The following TRIM71 variants were observed in gnomAD, a reference collection of about 807,000 sequenced individuals.
TRIM71 encodes the protein E3 ubiquitin-protein ligase TRIM71.
In TRIM71, 9 loss-of-function variants were observed where a neutral mutation model predicts 61.2. The ratio of observed to expected loss-of-function variants is 0.15; its 90% CI spans 0.09 to 0.26. The LOEUF is 0.26. Among genes scored for constraint, TRIM71 ranks in the 10% least tolerant of loss-of-function variants. The pLI, the probability that TRIM71 is intolerant of heterozygous loss-of-function variation, is 1.00. For missense variants in TRIM71, 998 were observed against 1,238.7 expected (o/e 0.81, Z 2.92); for synonymous variants, 645 against 553.2 (o/e 1.17, Z -2.33).
chr3:32,861,439 A>G (rs1696667175), intron 1 of TRIM71, among the ~76,000 whole-genome samples: 1 of 151,284 alleles, frequency 6.6e-6, no homozygotes, highest in African/African-American at 2.4e-5. Flanking sequence ...GCCAATAAAT[A>G]AATAAATTGT....
rs1327238554 is a variant in TRIM71 at position 32,818,843 on chromosome 3, G to T, written c.763G>T (p.Gly255Trp). 1 of 1,611,978 alleles carries T rather than the reference G, an allele frequency of 6.2e-7. No individual in the cohort carries two copies. Among genetic ancestry groups the T allele is most frequent in the Non-Finnish European group, 8.5e-7 (1 of 1,179,574 alleles). ...TGCCGCAGCAGCGGCGCAGCAGCTC[G>T]GGCTCGGGCCGCCCTTTCCCGGCCC... ...PGAAAAAQQLGLGPPFPGPPF... is the reference protein window; with the variant it reads ...PGAAAAAQQLWLGPPFPGPPF... Residue 255 changes from glycine (G) to tryptophan (W), a missense_variant, in exon 1 of 4, where the codon GGG (glycine) becomes TGG (tryptophan). Gly to Trp is a radical substitution (Grantham distance 184). Coordinates refer to ENST00000383763, the MANE Select transcript of TRIM71 (RefSeq NM_001039111.3).
chr3:32,824,357 CT>C (rs1229852096), intron 1 of TRIM71, among the ~76,000 whole-genome samples: 410 of 141,432 alleles, frequency 2.9e-3, no homozygotes, highest in Middle Eastern at 7.4e-3. Flanking sequence ...TTTTTTCTTT[CT>C]TTTTTTTTTT....
Position 32,896,876 on chromosome 3 carries a change from C to T in TRIM71, c.*5065C>T, listed in dbSNP as rs193042369. 97 of 152,318 alleles carry T rather than the reference C, an allele frequency of 6.4e-4. No homozygotes were observed. The highest frequency in any genetic ancestry group is 2.3e-3 in the African/African-American group (96 of 41,560). 9.4% of individuals were successfully genotyped at this position (152,318 alleles called of 1,614,324 possible). On this transcript the variant is annotated 3_prime_UTR_variant, in exon 4 of 4. Transcript: ENST00000383763. ...TTTCTTTAAATAACCAGCTCTGTAA[C>T]TCTGTAAGTTCTTTGTGTTTCTAGC...
chr3:32,881,269 C>G (rs1696904453), intron 2 of TRIM71, among the ~76,000 whole-genome samples: 1 of 152,170 alleles, frequency 6.6e-6, no homozygotes. Context: ...CCACCTGCCT[C>G]AGCCTCCCAA....
intron 3 of TRIM71, among the ~76,000 whole-genome samples, chr3:32,888,672 C>G (rs1235978078): frequency 1.3e-5 from 2 of 151,988 alleles, no homozygotes; most frequent in Admixed American, 1.3e-4. Flanking sequence ...TCCCAAGTAG[C>G]TGGGATTACA....
chr3:32,861,958 G>T (rs1184340025), intron 1 of TRIM71, among the ~76,000 whole-genome samples: 1 of 152,230 alleles, frequency 6.6e-6, no homozygotes, highest in Non-Finnish European at 1.5e-5. Flanking sequence ...CCACGTGTGT[G>T]CTATCCACTG....
In TRIM71 at chr3:32,890,518, G is replaced by A. The variant is rs1368339971; in HGVS notation, c.1314G>A (p.Leu438=). 1 of 1,614,030 alleles carries A rather than the reference G, an allele frequency of 6.2e-7. No individual in the cohort carries two copies. The highest frequency in any genetic ancestry group is 8.5e-7 in the Non-Finnish European group (1 of 1,180,048). ...TCCTACTGGCCCGAGACCGGATGCT[G>A]GCCCAGGTGCAGGAGCTGAAGACCG... is the stretch of plus-strand genomic sequence containing the variant. ...LDILLARDRM[L]AQVQELKTVR... Residue 438 remains leucine (L), a synonymous_variant, in exon 4 of 4, where the codon CTG becomes CTA. Coordinates refer to ENST00000383763, the MANE Select transcript of TRIM71 (RefSeq NM_001039111.3). This position sits in a 1 kb window ranked among gnomAD's most constrained non-coding sequence, Gnocchi z 6.2.
At chr3:32,864,845 GGTGTGTGTGTGTGTGTGT>G (rs10522411) in intron 1 of TRIM71, among the ~76,000 whole-genome samples, 2,374 of 146,364 alleles carry the variant, frequency 0.016, 50 homozygotes, top group African/African-American at 0.053. Context: ...AAAATTAAGT[GGTGTGTGTGTGTGTGTGT>G]GTGTGTGTGT....
rs1575341202 is a variant in TRIM71 at position 32,828,664 on chromosome 3, T to A, written c.852+9732T>A. Reference sequence around the variant, plus strand: ...GTGCATGCCACGATGCCCGGCTAATTAAAAAAAATTCTTTTTGTAGAGACT... The same window carrying A: ...GTGCATGCCACGATGCCCGGCTAATAAAAAAAAATTCTTTTTGTAGAGACT... On this transcript the variant is annotated intron_variant, in intron 1 of 3. Transcript: ENST00000383763. 2.0e-5 allele frequency among the ~76,000 whole-genome samples: 3 copies of A among 151,796 alleles called. No individual in the cohort carries two copies. In the East Asian group the frequency reaches 5.8e-4, roughly 29 times the overall value.
intron 2 of TRIM71, among the ~76,000 whole-genome samples, chr3:32,876,262 G>A (rs1019363339): frequency 1.6e-4 from 24 of 152,062 alleles, no homozygotes; most frequent in African/African-American, 3.9e-4. Flanking sequence ...CGGTGCCCTC[G>A]ACACTGTGGC....
intron 1 of TRIM71, among the ~76,000 whole-genome samples, chr3:32,822,718 A>G (rs754803705): frequency 6.6e-6 from 1 of 152,220 alleles, no homozygotes; most frequent in Non-Finnish European, 1.5e-5. Flanking sequence ...TTAAAAGCAT[A>G]ATACAAATTT....
chr3:32,877,923 G>GACAT, intron 2 of TRIM71, among the ~76,000 whole-genome samples: 1 of 152,210 alleles, frequency 6.6e-6, no homozygotes, highest in Non-Finnish European at 1.5e-5. Flanking sequence ...CTCTACCTAT[G>GACAT]AATCACGAAT....
intron 1 of TRIM71, among the ~76,000 whole-genome samples, chr3:32,829,652 T>TGTGTGTGTGTGTGTGTGTG: frequency 1.2e-5 from 1 of 81,878 alleles, no homozygotes; most frequent in East Asian, 4.4e-4. Flanking sequence ...GTGTGTGTGT[T>TGTGTGTGTGTGTGTGTGTG]TGTGTGTGCG....
intron 2 of TRIM71, among the ~76,000 whole-genome samples, chr3:32,874,648 G>A (rs1044108459): frequency 4.7e-5 from 7 of 148,752 alleles, no homozygotes; most frequent in Non-Finnish European, 8.9e-5. Context: ...TCAGCCTCCC[G>A]AGTAGCTGGG....
intron 1 of TRIM71, among the ~76,000 whole-genome samples, chr3:32,847,363 A>T (rs1184597723): frequency 6.6e-6 from 1 of 151,748 alleles, no homozygotes; most frequent in Admixed American, 6.6e-5. Flanking sequence ...TGTCCCGCTA[A>T]TTTTGTATTT....
intron 1 of TRIM71, among the ~76,000 whole-genome samples, chr3:32,862,106 A>G (rs185609143): frequency 6.6e-6 from 1 of 152,282 alleles, no homozygotes; most frequent in Non-Finnish European, 1.5e-5. Flanking sequence ...GGCATTGCCT[A>G]GAAAGGTAAC....
chr3:32,875,417 C>T (rs1696843561), intron 2 of TRIM71, among the ~76,000 whole-genome samples: 1 of 152,178 alleles, frequency 6.6e-6, no homozygotes, highest in African/African-American at 2.4e-5. Flanking sequence ...TGACTTTTCC[C>T]TGTGTTATAG....
At chr3:32,837,870 G>T (rs1696353696) in intron 1 of TRIM71, among the ~76,000 whole-genome samples, 1 of 152,178 alleles carries the variant, frequency 6.6e-6, no homozygotes, top group Non-Finnish European at 1.5e-5. Context: ...AGAAGGCCCA[G>T]ATTCTATCTC....
At position 32,818,583 on chromosome 3, in the gene TRIM71, C is replaced by A. The variant is rs1696089027; in HGVS notation, c.503C>A (p.Pro168Gln). Reference protein sequence around the residue: ...PRASASAPPLPQAPQPPAPSR... With the variant: ...PRASASAPPLQQAPQPPAPSR... ...GCGTCCGCCTCCGCGCCGCCACTCC[C>A]GCAGGCGCCGCAGCCGCCCGCGCCT... is the stretch of plus-strand genomic sequence containing the variant. The change falls in exon 1 of 4, where the codon CCG becomes CAG. Residue 168 changes from proline to glutamine, a missense_variant. By Grantham distance (76) the Pro-to-Gln change is moderately conservative. Transcript: ENST00000383763. The A allele has an allele frequency of 2.3e-6, 3 of 1,300,118 alleles. No homozygotes were observed. Among genetic ancestry groups the A allele is most frequent in the Non-Finnish European group, 2.9e-6 (3 of 1,032,904 alleles). 80.5% of individuals were successfully genotyped at this position (1,300,118 alleles called of 1,614,324 possible).
Sources: allele counts gnomAD v4.1 joint callset (sites outside exome capture counted in the v4.1 genomes callset), GRCh38; gene constraint gnomAD v4.1.1; non-coding constraint Gnocchi (gnomAD v3.1); transcripts MANE v1.5; gene names NCBI Gene and HGNC (gene_info 2026-07-23, HGNC 2026-07-21).